Variants in CAPN6 observed in about 807,000 individuals in gnomAD.
CAPN6 encodes calpain-6.
CAPN6 carries 16 observed loss-of-function variants against 46.0 expected under a neutral mutation model. The ratio of observed to expected loss-of-function variants is 0.35; its 90% confidence interval spans 0.24 to 0.53. The LOEUF is 0.53. Ranked by LOEUF, CAPN6 falls within the 20% of genes least tolerant of loss-of-function variation. CAPN6 has a pLI of 0.94. For synonymous variants in CAPN6, 206 were observed against 172.8 expected (o/e 1.19, Z -1.51); for missense variants, 461 against 498.0 (o/e 0.93, Z 0.71).
intron 6 of CAPN6, 75 bp downstream of exon 6, chrX:111,251,474 A>G: frequency 1.1e-6 from 1 of 943,502 alleles, no homozygotes; most frequent in South Asian, 2.2e-5. Flanking sequence ...ACAGCACACT[A>G]GCAGTCTGGA....
In CAPN6 at chrX:111,247,752, A is replaced by ATT. The variant is rs982225645; in HGVS notation, c.1606+117_1606+118dup. On this transcript the variant is annotated intron_variant, in intron 11 of 12. Coordinates refer to ENST00000324068, the MANE Select transcript of CAPN6 (RefSeq NM_014289.4). ...CCATCCTCTGCCATGGTTGCCATCC[A>ATT]TTCCCAACTTCTCTAGACAAAATAT... is the stretch of plus-strand genomic sequence containing the variant. 1.9e-5 allele frequency: 17 copies of ATT among 913,457 alleles called. No homozygotes were observed. The African/African-American group carries it at 2.4e-4, about 13-fold the overall frequency. The allele number at this position is 913,457 out of a possible 1,213,427, so 75.3% of individuals were successfully genotyped here.
At chrX:111,248,026 T>C (rs780884137) in intron 10 of CAPN6, 34 bp from the exon 11 acceptor site, 3 of 1,177,348 alleles carry the variant, frequency 2.5e-6, no homozygotes, top group Non-Finnish European at 3.5e-6. Context: ...TGTCATCATA[T>C]GATAAATATC....
At position 111,250,999 on chromosome X, in the gene CAPN6, C is replaced by T. The variant is rs1354777045; in HGVS notation, c.1076G>A (p.Cys359Tyr). ...GRKELESVLG[C>Y]WTVDDDPLMN... ...CAGGGGATCATCATCCACAGTCCAG[C>T]ATCCCAACACCGATTCCAGCTCCTT... Residue 359 changes from cysteine to tyrosine, a missense_variant, in exon 8 of 13, where the codon TGC (cysteine) becomes TAC (tyrosine). Coordinates refer to ENST00000324068, the MANE Select transcript of CAPN6 (RefSeq NM_014289.4). 1 of 1,211,306 alleles carries T rather than the reference C, an allele frequency of 8.3e-7. No individual in the cohort carries two copies. The highest frequency in any genetic ancestry group is 1.1e-6 in the Non-Finnish European group (1 of 895,134).
At position 111,246,508 on chromosome X, in the gene CAPN6, C is replaced by A; in HGVS notation, c.*69G>T. ...TCTTTCTAAAGATTGTGAATCTTAA[C>A]TAAGACCTGGCACCTGACGGAAAAT... On this transcript the variant is annotated 3_prime_UTR_variant, in exon 13 of 13. Transcript: ENST00000324068. 1 of 897,830 alleles carries A rather than the reference C, an allele frequency of 1.1e-6. No individual in the cohort carries two copies. Among genetic ancestry groups the A allele is most frequent in the Non-Finnish European group, 1.6e-6 (1 of 628,317 alleles). 74.0% of individuals were successfully genotyped at this position (897,830 alleles called of 1,213,427 possible). A position where few individuals can be genotyped will look rare whatever the true frequency, so the allele number is the denominator to read the frequency against.
chrX:111,263,646 AAAGG>A (rs1221102424), intron 2 of CAPN6, 122 bp downstream of exon 2: 40 of 455,349 alleles, frequency 8.8e-5, no homozygotes, highest in Admixed American at 1.5e-4. Context: ...AAAAAAAAAG[AAAGG>A]AAGGAAGGAA....
chrX:111,262,696 C>A (rs930918029), intron 2 of CAPN6, among the ~76,000 whole-genome samples: 2 of 111,716 alleles, frequency 1.8e-5, no homozygotes, highest in Non-Finnish European at 3.8e-5. Flanking sequence ...TTAGGTATAG[C>A]AAGGTTGCAA....
intron 4 of CAPN6, 51 bp downstream of exon 4, chrX:111,252,957 C>T: frequency 9.6e-7 from 1 of 1,040,031 alleles, no homozygotes; most frequent in Non-Finnish European, 1.3e-6. Flanking sequence ...ATAAATGTGG[C>T]TTTCCTTTCC....
intron 6 of CAPN6, 46 bp from the exon 7 acceptor site, chrX:111,251,332 G>T: frequency 9.0e-7 from 1 of 1,115,444 alleles, no homozygotes; most frequent in South Asian, 1.9e-5. Context: ...CATTATGTTT[G>T]CCATTGACTT....
At chrX:111,259,851 G>A (rs2094986529) in intron 2 of CAPN6, among the ~76,000 whole-genome samples, 1 of 111,844 alleles carries the variant, frequency 8.9e-6, no homozygotes, top group Non-Finnish European at 1.9e-5. Context: ...GAGGTGGGTA[G>A]GAGGGGAGAG....
chrX:111,266,784 T>A (rs2094992308), intron 1 of CAPN6, among the ~76,000 whole-genome samples: 1 of 112,587 alleles, frequency 8.9e-6, no homozygotes, highest in Non-Finnish European at 1.9e-5. Context: ...CTTCTTTTGG[T>A]CACTGCCTTC....
At position 111,245,475 on chromosome X, in the gene CAPN6, C is replaced by T. The variant is rs1412598779; in HGVS notation, c.*1102G>A. 9.0e-6 allele frequency: 1 copy of T among 111,496 alleles called. No individual in the cohort carries two copies. The highest frequency in any genetic ancestry group is 1.9e-5 in the Non-Finnish European group (1 of 53,032). The allele number at this position is 111,496 out of a possible 1,213,427, so 9.2% of individuals were successfully genotyped here. ...AAAATGAGAGGGCAAACAAACACCC[C>T]CAGCGAGTGAAGCATCCCAACTGAG... On this transcript the variant is annotated 3_prime_UTR_variant, in exon 13 of 13. Transcript: ENST00000324068.
In CAPN6 at chrX:111,251,234, C is replaced by A. The variant is rs962047296; in HGVS notation, c.946G>T (p.Val316Phe). ...TASDRKNLGL[V>F]MSDDGEFWMS... ...CAAAACTCTCCATCATCAGACATAACAAGCCCCAGGTTCTTGCGATCTGAT... is the reference window on the plus strand; with the variant it reads ...CAAAACTCTCCATCATCAGACATAAAAAGCCCCAGGTTCTTGCGATCTGAT... The change falls in exon 7 of 13, where the codon GTT becomes TTT. Residue 316 changes from valine to phenylalanine, a missense_variant. Coordinates refer to ENST00000324068, the MANE Select transcript of CAPN6 (RefSeq NM_014289.4). 2.5e-6 allele frequency: 3 copies of A among 1,210,018 alleles called. No homozygotes were observed. Among genetic ancestry groups the A allele is most frequent in the Non-Finnish European group, 3.4e-6 (3 of 895,155 alleles).
chrX:111,246,347 T>C lies in CAPN6; in HGVS notation c.*230A>G. 1 of 391,915 alleles carries C rather than the reference T, an allele frequency of 2.6e-6. No individual in the cohort carries two copies. The highest frequency in any genetic ancestry group is 4.4e-6 in the Non-Finnish European group (1 of 226,071). 32.3% of individuals were successfully genotyped at this position (391,915 alleles called of 1,213,427 possible). On this transcript the variant is annotated 3_prime_UTR_variant, in exon 13 of 13. Coordinates refer to ENST00000324068, the MANE Select transcript of CAPN6 (RefSeq NM_014289.4). Reference sequence around the variant, plus strand: ...ATCCTTTCTTGGCAAATGTGTATGATGTCTAGATAGGACTGTCGCCTCCCC... The same window carrying C: ...ATCCTTTCTTGGCAAATGTGTATGACGTCTAGATAGGACTGTCGCCTCCCC...
rs1316687198 is a variant in CAPN6, at chrX:111,253,044, T to A, written c.470A>T (p.Glu157Val). 1 of 1,211,341 alleles carries A rather than the reference T, an allele frequency of 8.3e-7. No homozygotes were observed. Among genetic ancestry groups the A allele is most frequent in the African/African-American group, 1.7e-5 (1 of 57,774 alleles). ...TTTTTCCAGCAGAGCATTCCAAAAC[T>A]CATTCATGGAAGTGGAGAAAGAGAA... ...LVFSFSTSMN[E>V]FWNALLEKAY... Residue 157 changes from glutamate to valine, a missense_variant, in exon 4 of 13, where the codon GAG becomes GTG. Physicochemically the swap from Glu to Val is moderately radical, Grantham distance 121. Transcript: ENST00000324068.
In CAPN6 at chrX:111,263,786, A is replaced by C; in HGVS notation, c.151T>G (p.Trp51Gly). 1 of 1,207,623 alleles carries C rather than the reference A, an allele frequency of 8.3e-7. No individual in the cohort carries two copies. The highest frequency in any genetic ancestry group is 1.1e-6 in the Non-Finnish European group (1 of 893,666). Residue 51 changes from tryptophan (W) to glycine (G), a missense_variant, in exon 2 of 13, where the codon TGG becomes GGG. Physicochemically the swap from Trp to Gly is radical, Grantham distance 184. Transcript: ENST00000324068. ...TAGAAAGTTACCTGGGGACGTTTCC[A>C]CACCACCTTTCCAGGAAGCAGTCGG... Reference protein sequence around the residue: ...YNRLLPGKVVWKRPQDICDDP... With the variant: ...YNRLLPGKVVGKRPQDICDDP...
chrX:111,252,513 T>C lies in CAPN6; in HGVS notation c.507-14A>G, dbSNP rs1052316332. On this transcript the variant is annotated splice_polypyrimidine_tract_variant and intron_variant, in intron 4 of 12. Transcript: ENST00000324068. Reference sequence around the variant, plus strand: ...CAGCCTAGCAGCCTGAGGGCAAGTATGCAAGGTTATCTTTGTAAAATTGTT... The same window carrying C: ...CAGCCTAGCAGCCTGAGGGCAAGTACGCAAGGTTATCTTTGTAAAATTGTT... The C allele has an allele frequency of 1.7e-6, 2 of 1,165,031 alleles. No individual in the cohort carries two copies. Among genetic ancestry groups the C allele is most frequent in the Non-Finnish European group, 1.2e-6 (1 of 868,815 alleles).
intron 9 of CAPN6, 77 bp from the exon 10 acceptor site, chrX:111,248,848 G>A (rs1407440448): frequency 8.5e-7 from 1 of 1,180,537 alleles, no homozygotes; most frequent in South Asian, 1.8e-5. Flanking sequence ...TTTATCCCTA[G>A]GCCTTCCATT....
At chrX:111,269,179 A>G (rs1362688026) in intron 1 of CAPN6, among the ~76,000 whole-genome samples, 1 of 111,538 alleles carries the variant, frequency 9.0e-6, no homozygotes, top group Non-Finnish European at 1.9e-5. Context: ...ATTCCTGACC[A>G]TGTAAGTGTT....
intron 2 of CAPN6, among the ~76,000 whole-genome samples, chrX:111,257,164 C>T (rs1279470111): frequency 1.8e-5 from 2 of 111,587 alleles, no homozygotes; most frequent in African/African-American, 6.5e-5. Context: ...CTCAGTCATC[C>T]ATCCCTGTGC....
Sources: allele counts gnomAD v4.1 joint callset (sites outside exome capture counted in the v4.1 genomes callset), GRCh38; gene constraint gnomAD v4.1.1; transcripts MANE v1.5; gene names NCBI Gene and HGNC (gene_info 2026-07-23, HGNC 2026-07-21).